The following CCDC192 variants were observed in gnomAD, a reference collection of about 807,000 sequenced individuals.
The protein encoded by CCDC192 is coiled-coil domain-containing protein 192.
At chr5:127,911,812 T>A (rs1753364410) in intron 6 of CCDC192, among the ~76,000 whole-genome samples, 1 of 149,936 alleles carries the variant, frequency 6.7e-6, no homozygotes, top group Admixed American at 6.7e-5. Flanking sequence ...GCTCAAGCAA[T>A]CCTCTCACTT....
chr5:127,867,762 T>C (rs1751673496), intron 5 of CCDC192, among the ~76,000 whole-genome samples: 1 of 152,226 alleles, frequency 6.6e-6, no homozygotes, highest in Admixed American at 6.5e-5. Flanking sequence ...TCTCAGTTTT[T>C]TCTTTGCTAT....
rs1044168939 is a variant in CCDC192 at position 127,890,121 on chromosome 5, C to A, written c.535+14460C>A. On this transcript the variant is annotated intron_variant, in intron 6 of 6. Transcript: ENST00000514853. ...ATGTATGGTGGCTCACACTTGTAAT[C>A]CCAGCACTGTGGTAGGCCAAGCTGG... Among the ~76,000 whole-genome samples the A allele has an allele frequency of 3.9e-5, 6 of 152,052 alleles. No individual in the cohort carries two copies. In the South Asian group the frequency reaches 8.3e-4, roughly 21 times the overall value.
intron 6 of CCDC192, among the ~76,000 whole-genome samples, chr5:127,926,142 T>C (rs1044643119): frequency 2.0e-5 from 3 of 152,222 alleles, no homozygotes; most frequent in Non-Finnish European, 2.9e-5. Flanking sequence ...CTCAGCAATG[T>C]ATGAGTCATT....
At chr5:127,758,766 G>C (rs1440827380) in intron 3 of CCDC192, among the ~76,000 whole-genome samples, 2 of 152,162 alleles carry the variant, frequency 1.3e-5, no homozygotes, top group Admixed American at 1.3e-4. Context: ...CATTTCTAGA[G>C]AAGCCCATAA....
chr5:127,728,396 A>G (rs1752454699), intron 2 of CCDC192, among the ~76,000 whole-genome samples: 1 of 152,252 alleles, frequency 6.6e-6, no homozygotes, highest in Non-Finnish European at 1.5e-5. Context: ...AATATTCAAC[A>G]TTCTAAAAGA....
chr5:127,894,220 T>C (rs986178535), intron 6 of CCDC192, among the ~76,000 whole-genome samples: 5 of 133,196 alleles, frequency 3.8e-5, no homozygotes, highest in African/African-American at 1.2e-4. Context: ...TGAGACGGAG[T>C]CTTGCTCTGT....
chr5:127,874,854 C>T (rs1752005191), intron 5 of CCDC192, among the ~76,000 whole-genome samples: 1 of 152,144 alleles, frequency 6.6e-6, no homozygotes, highest in African/African-American at 2.4e-5. Context: ...AAGGAACTTT[C>T]GAGTCATGAA....
intron 5 of CCDC192, among the ~76,000 whole-genome samples, chr5:127,853,905 C>T (rs941447750): frequency 6.6e-6 from 1 of 152,166 alleles, no homozygotes; most frequent in African/African-American, 2.4e-5. Flanking sequence ...TTGTGTACTT[C>T]CAAAGATGTC....
chr5:127,829,430 C>A (rs1397528426), intron 5 of CCDC192, among the ~76,000 whole-genome samples: 2 of 152,242 alleles, frequency 1.3e-5, no homozygotes, highest in South Asian at 2.1e-4. Context: ...TCATCTCCCA[C>A]CTTTGTCTTT....
At chr5:127,792,890 G>C (rs1756960941) in intron 3 of CCDC192, among the ~76,000 whole-genome samples, 1 of 152,010 alleles carries the variant, frequency 6.6e-6, no homozygotes, top group Non-Finnish European at 1.5e-5. Context: ...AAGCACAATG[G>C]CTAAAAGAAA....
At chr5:127,738,844 C>CAA (rs748198529) in intron 2 of CCDC192, among the ~76,000 whole-genome samples, 7 of 152,134 alleles carry the variant, frequency 4.6e-5, no homozygotes, top group Admixed American at 6.5e-5. Context: ...AAATTTTTTT[C>CAA]AGTTTTCAAC....
At chr5:127,806,062 C>T (rs547754136) in intron 5 of CCDC192, among the ~76,000 whole-genome samples, 15 of 152,188 alleles carry the variant, frequency 9.9e-5, no homozygotes, top group Admixed American at 2.6e-4. Context: ...AGATCCTGCC[C>T]AGTTAGATGT....
chr5:127,826,462 T>C (rs1366088684), intron 5 of CCDC192, among the ~76,000 whole-genome samples: 3 of 151,822 alleles, frequency 2.0e-5, no homozygotes, highest in African/African-American at 7.3e-5. Context: ...AACCAATCTT[T>C]CTACTGAGAA....
rs540771840 is a variant in CCDC192, at chr5:127,793,374, T to C, written c.223-3729T>C. ...ATATAAAAGGAAGCAAGATGGTGGG[T>C]TAGAGAGAATTCTAAGGTATTAGAA... On this transcript the variant is annotated intron_variant, in intron 3 of 6. Transcript: ENST00000514853. Among the ~76,000 whole-genome samples the C allele has an allele frequency of 8.1e-4, 123 of 152,092 alleles. 2 individuals are homozygous for C. The highest frequency in any genetic ancestry group is 3.4e-3 in the Middle Eastern group (1 of 294).
intron 3 of CCDC192, among the ~76,000 whole-genome samples, chr5:127,778,055 T>C (rs962164325): frequency 6.6e-6 from 1 of 152,140 alleles, no homozygotes; most frequent in African/African-American, 2.4e-5. Flanking sequence ...TAAAATAGAA[T>C]TATGTCATTT....
chr5:127,855,191 T>A (rs1038055915), intron 5 of CCDC192, among the ~76,000 whole-genome samples: 4 of 152,176 alleles, frequency 2.6e-5, no homozygotes, highest in Admixed American at 6.5e-5. Flanking sequence ...ATAGCATGTT[T>A]CCCATAGCAG....
intron 6 of CCDC192, among the ~76,000 whole-genome samples, chr5:127,925,779 G>A (rs1446385800): frequency 6.6e-6 from 1 of 152,098 alleles, no homozygotes; most frequent in East Asian, 1.9e-4. Context: ...TTTCATGGCT[G>A]TCTCTCTAAA....
At chr5:127,841,467 G>A (rs913447439) in intron 5 of CCDC192, among the ~76,000 whole-genome samples, 1 of 152,122 alleles carries the variant, frequency 6.6e-6, no homozygotes, top group Non-Finnish European at 1.5e-5. Context: ...ATCTGTGTTT[G>A]CCAATTTTTT....
intron 6 of CCDC192, among the ~76,000 whole-genome samples, chr5:127,911,169 A>G (rs1233746318): frequency 2.0e-5 from 3 of 152,194 alleles, no homozygotes; most frequent in Admixed American, 2.0e-4. Context: ...GTCCCACAAT[A>G]TGTGTATGTA....
Sources: allele counts gnomAD v4.1 joint callset (sites outside exome capture counted in the v4.1 genomes callset), GRCh38; gene constraint gnomAD v4.1.1; transcripts MANE v1.5; gene names NCBI Gene and HGNC (gene_info 2026-07-23, HGNC 2026-07-21).